SLAMF6: variants seen among roughly 807,000 people sequenced by gnomAD.
SLAMF6 encodes the protein NK-T-B-antigen.
In SLAMF6, 21 loss-of-function variants were observed where a neutral mutation model predicts 38.3. The ratio of observed to expected loss-of-function variants is 0.55; its 90% CI spans 0.39 to 0.79. The LOEUF is 0.79. SLAMF6 is among the 30% of genes least tolerant of loss of function. The pLI, the probability that SLAMF6 is intolerant of heterozygous loss-of-function variation, is 0.00. For synonymous variants in SLAMF6, 152 were observed against 146.3 expected (o/e 1.04, Z -0.28); for missense variants, 341 against 385.3 (o/e 0.89, Z 0.96).
At chr1:160,508,764 A>G (rs550071152) in intron 1 of SLAMF6, among the ~76,000 whole-genome samples, 2 of 152,290 alleles carry the variant, frequency 1.3e-5, no homozygotes, top group South Asian at 4.1e-4. Context: ...TACCCATCTG[A>G]CCAAGCGCTA....
chr1:160,491,008 C>T (rs1653260313), intron 3 of SLAMF6, 117 bp downstream of exon 3: 24 of 1,338,890 alleles, frequency 1.8e-5, no homozygotes, highest in South Asian at 2.7e-5. Flanking sequence ...CATCTGTCCC[C>T]TCCCAGCAGC....
intron 1 of SLAMF6, among the ~76,000 whole-genome samples, chr1:160,514,911 C>A (rs1042427012): frequency 2.0e-5 from 3 of 152,060 alleles, no homozygotes; most frequent in African/African-American, 7.2e-5. Flanking sequence ...CTAGAAAGAT[C>A]TCAAATTGAA....
intron 1 of SLAMF6, among the ~76,000 whole-genome samples, chr1:160,514,032 A>T (rs537474753): frequency 4.8e-4 from 73 of 152,298 alleles, no homozygotes; most frequent in African/African-American, 1.7e-3. Context: ...AACTTTAAAT[A>T]TAAATGTGCT....
chr1:160,495,702 G>A (rs1236683431), intron 2 of SLAMF6, among the ~76,000 whole-genome samples: 1 of 152,244 alleles, frequency 6.6e-6, no homozygotes. Context: ...TGTGCCTCAA[G>A]GGTATAAGGT....
chr1:160,504,709 T>A (rs1289867451), intron 1 of SLAMF6, among the ~76,000 whole-genome samples: 1 of 152,182 alleles, frequency 6.6e-6, no homozygotes, highest in South Asian at 2.1e-4. Context: ...AACCCATCAA[T>A]ACCTGGGGCA....
At position 160,491,331 on chromosome 1, in the gene SLAMF6, C is replaced by T; in HGVS notation, c.440G>A (p.Cys147Tyr). ...NHSQLFQNMT[C>Y]ELHLTCSVED... ...CACAGAGCAAGTCAGATGGAGCTCA[C>T]AGGTCATATTCTGAAATAGCTGACT... The change falls in exon 3 of 8, where the codon TGT becomes TAT. Residue 147 changes from cysteine to tyrosine, a missense_variant. Cys to Tyr is a radical substitution (Grantham distance 194). Transcript: ENST00000368057. 1.2e-6 allele frequency: 2 copies of T among 1,613,960 alleles called. No homozygotes were observed. Among genetic ancestry groups the T allele is most frequent in the Non-Finnish European group, 1.7e-6 (2 of 1,179,952 alleles).
In SLAMF6 at chr1:160,523,150, C is replaced by A. The variant is rs759047142; in HGVS notation, c.43G>T (p.Gly15Cys). ...GATCTGGATTGACATTTACCTGGGC[C>A]AAAGCAGAAGACAAACAGGAGCGAT... ...FQSLLFVFCF[G>C]PGNVVSQSSL... The change falls in exon 1 of 8, where the codon GGC (glycine) becomes TGC (cysteine). Residue 15 changes from glycine to cysteine, a missense_variant. Physicochemically the swap from Gly to Cys is radical, Grantham distance 159. Transcript: ENST00000368057. The A allele has an allele frequency of 6.2e-7, 1 of 1,613,776 alleles. No homozygotes were observed.
rs1042997368 is a variant in SLAMF6, at chr1:160,506,570, T to C, written c.50-10177A>G. Among the ~76,000 whole-genome samples, 78 of 152,100 alleles carry C rather than the reference T, an allele frequency of 5.1e-4. 1 individual carries two copies. The highest frequency in any genetic ancestry group is 5.4e-4 in the Non-Finnish European group (37 of 67,988). ...AAATCACACTAGAAAGTAACTCAAATCCCTACCAAGAAACAAAGAATGAAG... is the reference window on the plus strand; with the variant it reads ...AAATCACACTAGAAAGTAACTCAAACCCCTACCAAGAAACAAAGAATGAAG... On this transcript the variant is annotated intron_variant, in intron 1 of 7. Transcript: ENST00000368057.
At chr1:160,515,112 G>C (rs1441832493) in intron 1 of SLAMF6, among the ~76,000 whole-genome samples, 3 of 151,974 alleles carry the variant, frequency 2.0e-5, no homozygotes, top group African/African-American at 7.2e-5. Context: ...CTGCTAGTTA[G>C]CTAGACTAAC....
intron 1 of SLAMF6, among the ~76,000 whole-genome samples, chr1:160,516,357 C>T (rs995538169): frequency 6.6e-6 from 1 of 152,032 alleles, no homozygotes; most frequent in African/African-American, 2.4e-5. Flanking sequence ...CCAGAGAGGA[C>T]ACAAACAAAT....
At chr1:160,519,706 T>C (rs1571320282) in intron 1 of SLAMF6, among the ~76,000 whole-genome samples, 2 of 151,752 alleles carry the variant, frequency 1.3e-5, no homozygotes, top group South Asian at 2.1e-4. Flanking sequence ...AGGTCATATA[T>C]TGTGTGATTT....
rs111565716 is a variant in SLAMF6, at chr1:160,491,396, C to T, written c.383-8G>A. On this transcript the variant is annotated splice_region_variant and splice_polypyrimidine_tract_variant and intron_variant, in intron 2 of 7. Coordinates refer to ENST00000368057, the MANE Select transcript of SLAMF6 (RefSeq NM_001184714.2). ...GTATGTTCCTCAGTTGTCCTGTTTG[C>T]AGAAAAAAAAAAGATCCAGATTAAG... 0.034 allele frequency: 54,339 copies of T among 1,588,922 alleles called. 1,098 individuals are homozygous for T. Among genetic ancestry groups the T allele is most frequent in the Admixed American group, 0.084 (4,562 of 54,310 alleles).
chr1:160,505,898 G>C (rs1043194552), intron 1 of SLAMF6, among the ~76,000 whole-genome samples: 3 of 152,148 alleles, frequency 2.0e-5, no homozygotes, highest in Admixed American at 6.6e-5. Context: ...TTCAACAGAA[G>C]CTCTGTGTAG....
intron 2 of SLAMF6, among the ~76,000 whole-genome samples, chr1:160,494,514 C>G (rs1484397021): frequency 6.6e-6 from 1 of 152,050 alleles, no homozygotes; most frequent in Non-Finnish European, 1.5e-5. Context: ...CCCTAATTCC[C>G]AGAATCTGAA....
At chr1:160,489,761 GC>G (rs1461756067) in intron 5 of SLAMF6, among the ~76,000 whole-genome samples, 1 of 152,126 alleles carries the variant, frequency 6.6e-6, no homozygotes, top group Non-Finnish European at 1.5e-5. Context: ...TGAGTCCAGA[GC>G]CTGTGTTTGT....
chr1:160,506,090 T>A (rs1468954317), intron 1 of SLAMF6, among the ~76,000 whole-genome samples: 3 of 152,022 alleles, frequency 2.0e-5, no homozygotes, highest in African/African-American at 4.8e-5. Flanking sequence ...GAAAAGGGCA[T>A]AAATAATATT....
chr1:160,517,488 C>A (rs1654798048), intron 1 of SLAMF6, among the ~76,000 whole-genome samples: 1 of 152,192 alleles, frequency 6.6e-6, no homozygotes, highest in Admixed American at 6.5e-5. Flanking sequence ...TTTGACCCAG[C>A]AATCCCATTT....
chr1:160,495,992 G>A, intron 2 of SLAMF6, 69 bp downstream of exon 2: 1 of 1,405,184 alleles, frequency 7.1e-7, no homozygotes, highest in Non-Finnish European at 9.8e-7. Context: ...CACATTTGAA[G>A]TCACATAGGA....
intron 6 of SLAMF6, among the ~76,000 whole-genome samples, chr1:160,487,925 A>G (rs532139352): frequency 2.8e-4 from 42 of 152,206 alleles, no homozygotes; most frequent in Non-Finnish European, 5.6e-4. Flanking sequence ...CCCCGTCTCT[A>G]CAAAAAGTAG....
Sources: gnomAD v4.1 joint callset for allele counts (sites outside exome capture counted in the v4.1 genomes callset) on GRCh38, gnomAD v4.1.1 for gene constraint, MANE v1.5 for transcripts, NCBI Gene and HGNC (gene_info 2026-07-23, HGNC 2026-07-21) for gene names.